The following THSD4 variants were observed in gnomAD, a reference collection of about 807,000 sequenced individuals.
THSD4 encodes thrombospondin type-1 domain-containing protein 4.
In THSD4, 69 loss-of-function variants were observed where a neutral mutation model predicts 119.0. The ratio of observed to expected loss-of-function variants is 0.58; its 90% CI spans 0.48 to 0.71. The LOEUF is 0.71. THSD4 is among the 30% of genes least tolerant of loss of function. The pLI, the probability that THSD4 is intolerant of heterozygous loss-of-function variation, is 0.00. For missense variants in THSD4, 1,393 were observed against 1,391.1 expected (o/e 1.00, Z -0.02); for synonymous variants, 524 against 540.4 (o/e 0.97, Z 0.42).
intron 5 of THSD4, among the ~76,000 whole-genome samples, 159 bp downstream of exon 5, chr15:71,243,255 C>G (rs996312915): frequency 5.9e-5 from 9 of 152,094 alleles, no homozygotes; most frequent in Non-Finnish European, 1.0e-4. Context: ...ATGTATTCTC[C>G]CTACATAGTT....
chr15:71,198,455 A>G (rs752393622), intron 3 of THSD4, among the ~76,000 whole-genome samples: 12 of 152,344 alleles, frequency 7.9e-5, no homozygotes, highest in Non-Finnish European at 1.6e-4. Flanking sequence ...TCTTAGGCCT[A>G]TATCCAGGAC....
rs77201414 is a variant in THSD4, at chr15:71,404,569, A to C, written c.1016-7118A>C. ...TATATCTGAATGTTAGTGTCACCCC[A>C]AAATTCAAATGCTGGAACCTAATAC... On this transcript the variant is annotated intron_variant, in intron 6 of 17. Transcript: ENST00000261862. Among the ~76,000 whole-genome samples, 942 of 152,352 alleles carry C rather than the reference A, an allele frequency of 6.2e-3. 6 individuals are homozygous for C. Among genetic ancestry groups the C allele is most frequent in the African/African-American group, 0.022 (900 of 41,582 alleles).
intron 3 of THSD4, among the ~76,000 whole-genome samples, chr15:71,199,628 G>GA (rs2140235911): frequency 1.4e-5 from 1 of 71,866 alleles, no homozygotes; most frequent in African/African-American, 7.3e-5. Flanking sequence ...TGGGTGTGTG[G>GA]TGTGTGTGGT....
At chr15:71,635,553 C>A (rs1567074425) in intron 7 of THSD4, among the ~76,000 whole-genome samples, 1 of 152,226 alleles carries the variant, frequency 6.6e-6, no homozygotes, top group Non-Finnish European at 1.5e-5. Flanking sequence ...AGTGTATTTT[C>A]TCTTCAGTCT....
intron 7 of THSD4, among the ~76,000 whole-genome samples, chr15:71,616,935 A>G (rs566119625): frequency 3.9e-5 from 6 of 152,344 alleles, no homozygotes; most frequent in African/African-American, 1.4e-4. Flanking sequence ...TTCTAGATCA[A>G]CTGCTCACAG....
intron 7 of THSD4, among the ~76,000 whole-genome samples, chr15:71,462,759 C>T (rs1444479589): frequency 6.6e-6 from 1 of 152,200 alleles, no homozygotes; most frequent in Non-Finnish European, 1.5e-5. Flanking sequence ...TTTGTTCAGC[C>T]TTCTCTTTAA....
chr15:71,754,079 C>CTTTTTTTT (rs5813663), intron 14 of THSD4, among the ~76,000 whole-genome samples: 2 of 84,348 alleles, frequency 2.4e-5, no homozygotes, highest in African/African-American at 4.2e-5. Context: ...ACCTTTTATT[C>CTTTTTTTT]TTTTTTTTTT....
intron 4 of THSD4, among the ~76,000 whole-genome samples, chr15:71,221,167 C>T (rs1437100091): frequency 6.6e-6 from 1 of 152,168 alleles, no homozygotes; most frequent in Non-Finnish European, 1.5e-5. Context: ...ACTTCCCCCT[C>T]AGTTTCTGGA....
At chr15:71,422,707 A>G (rs975627431) in intron 7 of THSD4, among the ~76,000 whole-genome samples, 10 of 151,848 alleles carry the variant, frequency 6.6e-5, no homozygotes, top group Admixed American at 3.3e-4. Context: ...GCTTACATTC[A>G]CTCAAGGCCC....
chr15:71,567,601 C>CCCG (rs1491494319), intron 7 of THSD4, among the ~76,000 whole-genome samples: 4 of 136,576 alleles, frequency 2.9e-5, no homozygotes, highest in African/African-American at 5.1e-5. Flanking sequence ...AAGACACCCC[C>CCCG]CCACACACAC....
At chr15:71,097,843 C>T (rs2040237824) in intron 1 of THSD4, among the ~76,000 whole-genome samples, 2 of 151,418 alleles carry the variant, frequency 1.3e-5, no homozygotes, top group South Asian at 4.2e-4. Context: ...TGATCACTGT[C>T]GTGTGTTTTA....
At chr15:71,662,177 C>T (rs2140998922) in intron 8 of THSD4, among the ~76,000 whole-genome samples, 1 of 152,270 alleles carries the variant, frequency 6.6e-6, no homozygotes, top group African/African-American at 2.4e-5. Context: ...GGATCACCCA[C>T]AAGTTAACTC....
chr15:71,680,769 A>G (rs567602652), intron 8 of THSD4, among the ~76,000 whole-genome samples: 6 of 152,128 alleles, frequency 3.9e-5, no homozygotes, highest in Admixed American at 6.5e-5. Context: ...TCCGTATGTC[A>G]TTTTCTTTAC....
chr15:71,476,233 G>A (rs2047653589), intron 7 of THSD4, among the ~76,000 whole-genome samples: 1 of 152,172 alleles, frequency 6.6e-6, no homozygotes, highest in Non-Finnish European at 1.5e-5. Context: ...TCCACCGGCT[G>A]TATATTCCTT....
At chr15:71,638,437 G>A (rs1595815736) in intron 7 of THSD4, among the ~76,000 whole-genome samples, 1 of 152,210 alleles carries the variant, frequency 6.6e-6, no homozygotes, top group African/African-American at 2.4e-5. Flanking sequence ...GCAGCACTGA[G>A]TTAGAGGTAA....
intron 2 of THSD4, among the ~76,000 whole-genome samples, chr15:71,154,067 A>G (rs1173525156): frequency 6.6e-6 from 1 of 152,122 alleles, no homozygotes; most frequent in Non-Finnish European, 1.5e-5. Context: ...CTTACTAACC[A>G]TGCCAGGTGT....
intron 7 of THSD4, among the ~76,000 whole-genome samples, chr15:71,649,127 C>T (rs554746041): frequency 1.3e-5 from 2 of 152,076 alleles, no homozygotes; most frequent in African/African-American, 4.8e-5. Flanking sequence ...CCTTAGGAGT[C>T]CCCCCATCAC....
Position 71,278,890 on chromosome 15 carries a change from G to A in THSD4, c.1015+22175G>A, listed in dbSNP as rs148807139. 3.0e-4 allele frequency among the ~76,000 whole-genome samples: 45 copies of A among 152,270 alleles called. No homozygotes were observed. The East Asian group carries it at 8.7e-3, about 29-fold the overall frequency. ...TTTTTGCTTTAAAATTTTATCGAGTGAGCCATAATTTATTGGGCTGAGTTG... is the reference window on the plus strand; with the variant it reads ...TTTTTGCTTTAAAATTTTATCGAGTAAGCCATAATTTATTGGGCTGAGTTG... On this transcript the variant is annotated intron_variant, in intron 6 of 17. Coordinates refer to ENST00000261862, the MANE Select transcript of THSD4 (RefSeq NM_024817.3).
chr15:71,777,187 C>T (rs1201342247), intron 17 of THSD4, 45 bp from the exon 18 acceptor site: 3 of 1,613,322 alleles, frequency 1.9e-6, no homozygotes, highest in Admixed American at 3.3e-5. Context: ...GTCCAGGCTG[C>T]CTCTTGTGCT....
Sources: allele counts gnomAD v4.1 joint callset (sites outside exome capture counted in the v4.1 genomes callset), GRCh38; gene constraint gnomAD v4.1.1; transcripts MANE v1.5; gene names NCBI Gene and HGNC (gene_info 2026-07-23, HGNC 2026-07-21).